LARGE1: variants seen among roughly 807,000 people sequenced by gnomAD.
LARGE1 encodes LARGE xylosyl- and glucuronyltransferase 1.
In LARGE1, 43 loss-of-function variants were observed where a neutral mutation model predicts 87.6. The ratio of observed to expected loss-of-function variants is 0.49; its 90% CI spans 0.38 to 0.63. The LOEUF (loss-of-function observed/expected upper bound fraction) is 0.63, where lower values mean the gene tolerates loss of function less well. Among genes scored for constraint, LARGE1 ranks in the 30% least tolerant of loss-of-function variants. The probability of loss-of-function intolerance (pLI) is 0.00; values close to 1 mark genes in which losing one functional copy is unlikely to be tolerated. For synonymous variants in LARGE1, 434 were observed against 394.6 expected (o/e 1.10, Z -1.18); for missense variants, 802 against 1,000.2 (o/e 0.80, Z 2.67).
intron 1 of LARGE1, among the ~76,000 whole-genome samples, chr22:33,863,112 G>A (rs1050129095): frequency 3.3e-5 from 5 of 152,134 alleles, no homozygotes; most frequent in East Asian, 1.9e-4. Context: ...ACACAGCACC[G>A]TGGCACACAG....
At chr22:33,446,278 T>C (rs80332473) in intron 6 of LARGE1, among the ~76,000 whole-genome samples, 12,165 of 152,286 alleles carry the variant, frequency 0.08, 543 homozygotes, top group South Asian at 0.13. Flanking sequence ...TCCATATGGC[T>C]GTTCCTGGGC....
the LARGE1 span, among the ~76,000 whole-genome samples, chr22:33,080,968 T>A: frequency 6.7e-6 from 1 of 150,068 alleles, no homozygotes; most frequent in South Asian, 2.1e-4. Context: ...CATCCATCCA[T>A]CCATCCATCC....
intron 1 of LARGE1, among the ~76,000 whole-genome samples, chr22:33,871,928 T>C (rs1349883353): frequency 6.7e-6 from 1 of 148,178 alleles, no homozygotes; most frequent in East Asian, 2.0e-4. Flanking sequence ...TTCATTAGTG[T>C]TAATTGATCT....
In LARGE1 at chr22:33,316,142, TACTCGTAGTGC is replaced by T; in HGVS notation, c.1383_1393del (p.His462Ter). The stretch of plus-strand genomic sequence containing the variant: ...GTCCGTGCTGTCTGCTGCAGGCTCA[TACTCGTAGTGC>T]AGGAAGTACAGGTGGGTGCGGTGGA... On this transcript the variant is annotated frameshift_variant, in exon 11 of 15. Transcript: ENST00000397394. LOFTEE classifies it high-confidence loss of function. The T allele has an allele frequency of 6.2e-7, 1 of 1,614,080 alleles. No homozygotes were observed. The highest frequency in any genetic ancestry group is 8.5e-7 in the Non-Finnish European group (1 of 1,179,998).
chr22:33,342,212 C>T (rs1053786633), intron 9 of LARGE1, among the ~76,000 whole-genome samples: 4 of 152,066 alleles, frequency 2.6e-5, no homozygotes, highest in East Asian at 1.9e-4. Context: ...CGAATGATTC[C>T]GGTGCTTGCC....
At chr22:33,805,665 C>T (rs924995915) in intron 1 of LARGE1, among the ~76,000 whole-genome samples, 2 of 151,934 alleles carry the variant, frequency 1.3e-5, no homozygotes, top group Admixed American at 1.3e-4. Context: ...ACCCGGGAGG[C>T]AGAGGTTGCC....
intron 1 of LARGE1, among the ~76,000 whole-genome samples, chr22:33,890,035 A>G (rs1488089226): frequency 6.6e-6 from 1 of 152,230 alleles, no homozygotes; most frequent in Non-Finnish European, 1.5e-5. Flanking sequence ...GGGCCCTGCC[A>G]AGCCCTCCCA....
chr22:33,547,419 G>A (rs747047111), intron 6 of LARGE1, among the ~76,000 whole-genome samples: 1 of 152,196 alleles, frequency 6.6e-6, no homozygotes, highest in Non-Finnish European at 1.5e-5. Flanking sequence ...AGGCTGTAAT[G>A]CTTGCTCGCC....
chr22:33,498,459 T>C (rs528899002), intron 6 of LARGE1, among the ~76,000 whole-genome samples: 1 of 152,270 alleles, frequency 6.6e-6, no homozygotes, highest in East Asian at 1.9e-4. Context: ...GATACATATA[T>C]TAACGATGCT....
At chr22:33,666,098 T>C (rs1438687697) in intron 2 of LARGE1, among the ~76,000 whole-genome samples, 2 of 152,212 alleles carry the variant, frequency 1.3e-5, no homozygotes, top group Admixed American at 6.5e-5. Flanking sequence ...AAGCTGGGGA[T>C]ACCCTCTTGC....
chr22:33,334,652 T>C (rs923480355), intron 10 of LARGE1, among the ~76,000 whole-genome samples: 25 of 152,034 alleles, frequency 1.6e-4, no homozygotes, highest in Non-Finnish European at 1.5e-4. Context: ...GGCCCATGCA[T>C]AGTGGTCAAG....
the LARGE1 span, among the ~76,000 whole-genome samples, chr22:33,068,441 C>T: frequency 1.3e-5 from 2 of 152,022 alleles, no homozygotes; most frequent in East Asian, 1.9e-4. Flanking sequence ...GTCAGGAGAT[C>T]GAGACCATCC....
At chr22:33,476,611 T>C (rs952781456) in intron 6 of LARGE1, among the ~76,000 whole-genome samples, 1 of 152,228 alleles carries the variant, frequency 6.6e-6, no homozygotes. Context: ...TCTAAATTGA[T>C]TGAGACTGCT....
intron 7 of LARGE1, among the ~76,000 whole-genome samples, chr22:33,409,288 CGGA>C (rs1168403395): frequency 2.1e-5 from 3 of 140,876 alleles, no homozygotes; most frequent in Non-Finnish European, 4.7e-5. Flanking sequence ...TACCCTGAGA[CGGA>C]AGGAGGAGGA....
intron 11 of LARGE1, among the ~76,000 whole-genome samples, chr22:33,191,886 A>AT (rs1923800062): frequency 6.6e-6 from 1 of 152,192 alleles, no homozygotes; most frequent in Non-Finnish European, 1.5e-5. Context: ...TTAATCATAG[A>AT]TTTTCCCCAC....
intron 7 of LARGE1, among the ~76,000 whole-genome samples, chr22:33,420,271 T>C (rs2066644856): frequency 6.6e-6 from 1 of 152,164 alleles, no homozygotes; most frequent in Admixed American, 6.5e-5. Context: ...GTATGGGGGA[T>C]AAAGCAGTGA....
rs147725482 is a variant in LARGE1 at position 33,535,110 on chromosome 22, G to A, written c.787+29738C>T. Among the ~76,000 whole-genome samples, 859 of 152,346 alleles carry A rather than the reference G, an allele frequency of 5.6e-3. 10 individuals are homozygous for A. Among genetic ancestry groups the A allele is most frequent in the African/African-American group, 0.02 (817 of 41,582 alleles). ...AGCCTTCTGACTTCTGAGTAGAGGA[G>A]GGGCTGAGGGGCCTCCCCCGTCAGG... On this transcript the variant is annotated intron_variant, in intron 6 of 14. Coordinates refer to ENST00000397394, the MANE Select transcript of LARGE1 (RefSeq NM_133642.5).
At chr22:33,576,359 T>G (rs887360719) in intron 5 of LARGE1, among the ~76,000 whole-genome samples, 1 of 152,144 alleles carries the variant, frequency 6.6e-6, no homozygotes, top group African/African-American at 2.4e-5. Context: ...TGCCAGATGA[T>G]TGCTTTGAGG....
intron 5 of LARGE1, among the ~76,000 whole-genome samples, chr22:33,590,540 C>T (rs993060911): frequency 2.0e-5 from 3 of 152,182 alleles, no homozygotes; most frequent in Admixed American, 1.3e-4. Flanking sequence ...CTCGAAAATG[C>T]CCTGGTGTCC....
Sources: allele counts gnomAD v4.1 joint callset (sites outside exome capture counted in the v4.1 genomes callset), GRCh38; gene constraint gnomAD v4.1.1; transcripts MANE v1.5; gene names NCBI Gene and HGNC (gene_info 2026-07-23, HGNC 2026-07-21).